Variants in NALCN observed in about 807,000 individuals in gnomAD.
NALCN encodes sodium leak channel NALCN.
In NALCN, 111 loss-of-function variants were observed where a neutral mutation model predicts 225.3. The ratio of observed to expected loss-of-function variants is 0.49; its 90% CI spans 0.42 to 0.58. The LOEUF (loss-of-function observed/expected upper bound fraction) is 0.58, where lower values mean the gene tolerates loss of function less well. Ranked by LOEUF, NALCN falls within the 20% of genes least tolerant of loss-of-function variation. The probability of loss-of-function intolerance (pLI) is 0.00; values close to 1 mark genes in which losing one functional copy is unlikely to be tolerated. For synonymous variants in NALCN, 764 were observed against 769.0 expected (o/e 0.99, Z 0.11); for missense variants, 1,378 against 2,202.4 (o/e 0.63, Z 7.49).
chr13:101,296,119 T>A (rs1305245948), intron 7 of NALCN, among the ~76,000 whole-genome samples: 1 of 152,152 alleles, frequency 6.6e-6, no homozygotes, highest in African/African-American at 2.4e-5. Context: ...CCCTTAGTAC[T>A]CCCAGAGAGC....
At chr13:101,070,751 C>T (rs2032818133) in intron 37 of NALCN, among the ~76,000 whole-genome samples, 1 of 152,132 alleles carries the variant, frequency 6.6e-6, no homozygotes, top group Non-Finnish European at 1.5e-5. Context: ...TTTGTTGTTC[C>T]ATTTATAGAG....
chr13:101,060,101 A>G (rs2031731204), intron 41 of NALCN, 134 bp from the exon 42 acceptor site: 10 of 1,018,416 alleles, frequency 9.8e-6, no homozygotes, highest in Non-Finnish European at 1.3e-5. Context: ...TTTCCAAGTA[A>G]GGATCCTGAA....
chr13:101,102,999 G>A (rs533102554), intron 26 of NALCN, among the ~76,000 whole-genome samples, 173 bp downstream of exon 26: 11 of 152,282 alleles, frequency 7.2e-5, no homozygotes, highest in African/African-American at 2.2e-4. Flanking sequence ...CGCCAGAAGT[G>A]CCCATGAGTA....
intron 15 of NALCN, among the ~76,000 whole-genome samples, chr13:101,159,358 G>T (rs977269836): frequency 1.3e-5 from 2 of 152,202 alleles, no homozygotes; most frequent in African/African-American, 4.8e-5. Flanking sequence ...GCCAGAGCTT[G>T]CAGCACAGGT....
intron 18 of NALCN, among the ~76,000 whole-genome samples, chr13:101,122,993 C>T (rs557768398): frequency 3.3e-5 from 5 of 152,256 alleles, no homozygotes; most frequent in South Asian, 4.2e-4. Context: ...GATTAATACA[C>T]GCCATAGTTT....
At chr13:101,227,015 C>T (rs1190260163) in intron 13 of NALCN, among the ~76,000 whole-genome samples, 1 of 152,180 alleles carries the variant, frequency 6.6e-6, no homozygotes, top group Non-Finnish European at 1.5e-5. Flanking sequence ...CCTGCTGATC[C>T]ACCTGACCCT....
In NALCN at chr13:101,376,728, G is replaced by A. The variant is rs1373634754; in HGVS notation, c.616C>T (p.His206Tyr). The A allele has an allele frequency of 6.2e-7, 1 of 1,609,660 alleles. No individual in the cohort carries two copies. The highest frequency in any genetic ancestry group is 8.5e-7 in the Non-Finnish European group (1 of 1,178,986). Residue 206 changes from histidine (H) to tyrosine (Y), a missense_variant, in exon 6 of 44, where the codon CAC becomes TAC. Coordinates refer to ENST00000251127, the MANE Select transcript of NALCN (RefSeq NM_052867.4). ...GGCTTTGTGTCATTTACAACACAGT[G>A]ATAAGTAAATGTTCCAAACATCTGA... ...GVQMFGTFTY[H>Y]CVVNDTKPGN...
intron 10 of NALCN, among the ~76,000 whole-genome samples, chr13:101,264,213 T>C (rs1413721273): frequency 1.3e-5 from 2 of 152,172 alleles, no homozygotes; most frequent in Non-Finnish European, 2.9e-5. Flanking sequence ...GATTCACATA[T>C]GTGTGTGCAT....
At chr13:101,314,859 A>G (rs1485172378) in intron 7 of NALCN, among the ~76,000 whole-genome samples, 1 of 152,112 alleles carries the variant, frequency 6.6e-6, no homozygotes, top group Non-Finnish European at 1.5e-5. Context: ...TGCATATGAA[A>G]TCTGTTGACT....
intron 1 of NALCN, among the ~76,000 whole-genome samples, chr13:101,415,208 C>CACATATATATATATATATATAT (rs1555349509): frequency 2.8e-5 from 3 of 107,808 alleles, no homozygotes; most frequent in Admixed American, 8.6e-5. Context: ...AAATCACACA[C>CACATATATATATATATATATAT]ATATATATAT....
intron 34 of NALCN, among the ~76,000 whole-genome samples, chr13:101,080,621 A>T (rs866135658): frequency 1.6e-5 from 1 of 63,882 alleles, no homozygotes; most frequent in African/African-American, 4.1e-5. Context: ...AATCAATTAA[A>T]TTAATTATTT....
At chr13:101,350,644 G>C (rs2045881537) in intron 6 of NALCN, among the ~76,000 whole-genome samples, 1 of 152,158 alleles carries the variant, frequency 6.6e-6, no homozygotes, top group African/African-American at 2.4e-5. Context: ...GTATCAACTT[G>C]ACTAAAGTAT....
chr13:101,061,967 C>A lies in NALCN; in HGVS notation c.4755+1G>T, dbSNP rs1158141270. ...AACCTGCATGTGTGCAGTTCACTCA[C>A]AGCTCTGATGCGCTTCAGGCACTTC... On this transcript the variant is annotated splice_donor_variant, in intron 41 of 43. Coordinates refer to ENST00000251127, the MANE Select transcript of NALCN (RefSeq NM_052867.4). LOFTEE classifies it high-confidence loss of function. The A allele has an allele frequency of 1.1e-5, 17 of 1,613,116 alleles. No individual in the cohort carries two copies. The highest frequency in any genetic ancestry group is 1.4e-5 in the Non-Finnish European group (17 of 1,179,576).
At chr13:101,347,044 T>C (rs988130597) in intron 6 of NALCN, among the ~76,000 whole-genome samples, 1 of 151,578 alleles carries the variant, frequency 6.6e-6, no homozygotes, top group African/African-American at 2.4e-5. Context: ...GCTGCTTCCA[T>C]CCCTTTTATA....
intron 30 of NALCN, among the ~76,000 whole-genome samples, chr13:101,088,640 G>T (rs988461997): frequency 6.6e-6 from 1 of 152,140 alleles, no homozygotes; most frequent in South Asian, 2.1e-4. Flanking sequence ...CTCAAAAACT[G>T]CATGCACTTC....
intron 10 of NALCN, among the ~76,000 whole-genome samples, chr13:101,283,652 T>A (rs2043242690): frequency 6.6e-6 from 1 of 152,158 alleles, no homozygotes; most frequent in Non-Finnish European, 1.5e-5. Context: ...AAAGAATATT[T>A]TTATAAGATT....
intron 40 of NALCN, 139 bp downstream of exon 40, chr13:101,065,265 A>G: frequency 1.1e-6 from 1 of 873,004 alleles, no homozygotes; most frequent in South Asian, 1.6e-5. Context: ...CGCCTGGGAC[A>G]TGTGACCCCA....
intron 17 of NALCN, among the ~76,000 whole-genome samples, chr13:101,128,253 A>AATT (rs2036337383): frequency 3.3e-5 from 5 of 152,250 alleles, no homozygotes; most frequent in Admixed American, 3.3e-4. Context: ...TCTTTGACAG[A>AATT]ATTAATAACT....
intron 11 of NALCN, among the ~76,000 whole-genome samples, chr13:101,254,580 T>A (rs2042162653): frequency 6.6e-6 from 1 of 152,028 alleles, no homozygotes; most frequent in Admixed American, 6.6e-5. Context: ...GTTAACTGAT[T>A]TGCCGCTTTG....
Sources: gnomAD v4.1 joint callset for allele counts (sites outside exome capture counted in the v4.1 genomes callset) on GRCh38, gnomAD v4.1.1 for gene constraint, MANE v1.5 for transcripts, NCBI Gene and HGNC (gene_info 2026-07-23, HGNC 2026-07-21) for gene names.